The following SGCG variants were observed in gnomAD, a reference collection of about 807,000 sequenced individuals.
The protein encoded by SGCG is sarcoglycan gamma.
Under a neutral mutation model 29.3 loss-of-function variants are expected in SGCG, and 26 were observed. The ratio of observed to expected loss-of-function variants is 0.89; its 90% CI spans 0.65 to 1.23. The LOEUF is 1.23. SGCG is among the 50% of genes most tolerant of loss of function. SGCG has a pLI of 0.00. For synonymous variants in SGCG, 145 were observed against 129.7 expected (o/e 1.12, Z -0.80); for missense variants, 353 against 356.0 (o/e 0.99, Z 0.07).
At position 23,203,737 on chromosome 13, in the gene SGCG, A is replaced by G; in HGVS notation, c.43A>G (p.Ile15Val). 6.2e-7 allele frequency: 1 copy of G among 1,614,086 alleles called. No homozygotes were observed. Among genetic ancestry groups the G allele is most frequent in the Non-Finnish European group, 8.5e-7 (1 of 1,179,948 alleles). Residue 15 changes from isoleucine to valine, a missense_variant, in exon 2 of 8, where the codon ATA becomes GTA. Physicochemically the swap from Ile to Val is conservative, Grantham distance 29. Coordinates refer to ENST00000218867, the MANE Select transcript of SGCG (RefSeq NM_000231.3). ...QYTTATEGIC[I>V]ERPENQYVYK... Reference sequence around the variant, plus strand: ...CACTACAGCCACAGAAGGCATCTGCATAGAGAGGCCAGAGAATCAGTATGT... The same window carrying G: ...CACTACAGCCACAGAAGGCATCTGCGTAGAGAGGCCAGAGAATCAGTATGT...
At chr13:23,175,088 T>C in the SGCG span, among the ~76,000 whole-genome samples, 924 of 152,302 alleles carry the variant, frequency 6.1e-3, 8 homozygotes, top group African/African-American at 0.02. Context: ...AATTGCCAAG[T>C]TGACCACAGA....
intron 6 of SGCG, among the ~76,000 whole-genome samples, chr13:23,305,149 T>G (rs1416886340): frequency 6.6e-6 from 1 of 152,232 alleles, no homozygotes; most frequent in East Asian, 1.9e-4. Context: ...TTAAATTACC[T>G]TAGGGAAAAC....
chr13:23,295,191 T>G (rs1881853904), intron 5 of SGCG, among the ~76,000 whole-genome samples: 1 of 152,228 alleles, frequency 6.6e-6, no homozygotes, highest in Admixed American at 6.5e-5. Context: ...TGTAATTGCT[T>G]TGAAAAACAT....
intron 4 of SGCG, among the ~76,000 whole-genome samples, chr13:23,257,864 C>T (rs1434466756): frequency 2.0e-5 from 3 of 151,940 alleles, no homozygotes; most frequent in South Asian, 2.1e-4. Context: ...TGTAGATAAG[C>T]GGCGTTATTT....
intron 2 of SGCG, among the ~76,000 whole-genome samples, chr13:23,222,107 T>C (rs1353204345): frequency 6.6e-6 from 1 of 152,188 alleles, no homozygotes; most frequent in Non-Finnish European, 1.5e-5. Context: ...TGTTTCCCCA[T>C]GTATCAGATT....
At chr13:23,298,953 C>T (rs572900359) in intron 6 of SGCG, among the ~76,000 whole-genome samples, 40 of 152,230 alleles carry the variant, frequency 2.6e-4, no homozygotes, top group African/African-American at 9.1e-4. Flanking sequence ...CAAGGAAATG[C>T]TCGAGGAGTG....
intron 4 of SGCG, among the ~76,000 whole-genome samples, chr13:23,257,828 G>C (rs963161899): frequency 6.6e-6 from 1 of 152,020 alleles, no homozygotes; most frequent in Admixed American, 6.6e-5. Flanking sequence ...GCTTGTTTTT[G>C]TCAGGTTTGT....
chr13:23,257,485 A>C (rs536410471), intron 4 of SGCG, among the ~76,000 whole-genome samples: 5 of 151,966 alleles, frequency 3.3e-5, no homozygotes, highest in Non-Finnish European at 7.4e-5. Flanking sequence ...ATTTTCTCCC[A>C]TTCTGTAGGT....
chr13:23,197,433 T>G (rs558236981), intron 1 of SGCG, among the ~76,000 whole-genome samples: 1 of 152,324 alleles, frequency 6.6e-6, no homozygotes, highest in South Asian at 2.1e-4. Context: ...AAGTAATTTT[T>G]CAGGAGTTTT....
chr13:23,322,135 T>C (rs2137530411), intron 7 of SGCG, among the ~76,000 whole-genome samples: 1 of 152,332 alleles, frequency 6.6e-6, no homozygotes, highest in East Asian at 1.9e-4. Context: ...GCTGCAAGAA[T>C]TGTCTTGTAC....
intron 6 of SGCG, among the ~76,000 whole-genome samples, chr13:23,306,650 C>A (rs942694784): frequency 6.6e-6 from 1 of 152,290 alleles, no homozygotes; most frequent in South Asian, 2.1e-4. Context: ...TTATTTGTCA[C>A]AAGTTAATAT....
At chr13:23,232,086 T>C in intron 2 of SGCG, among the ~76,000 whole-genome samples, 1 of 148,360 alleles carries the variant, frequency 6.7e-6, no homozygotes. Context: ...ACTACTGCAC[T>C]CCAGCCTGGG....
intron 2 of SGCG, among the ~76,000 whole-genome samples, chr13:23,207,035 G>T (rs907212609): frequency 6.6e-6 from 1 of 151,790 alleles, no homozygotes. Flanking sequence ...GAAAAACAAC[G>T]CTAGAGGCGT....
chr13:23,274,990 C>T (rs1259371852), intron 4 of SGCG, among the ~76,000 whole-genome samples: 2 of 151,160 alleles, frequency 1.3e-5, no homozygotes, highest in Non-Finnish European at 2.9e-5. Context: ...TTCAGGCTAC[C>T]CTTTTATATT....
Position 23,318,444 on chromosome 13 carries a change from A to G in SGCG, c.579-2193A>G, listed in dbSNP as rs1045255988. 2.0e-5 allele frequency among the ~76,000 whole-genome samples: 3 copies of G among 150,488 alleles called. No homozygotes were observed. In the South Asian group the frequency reaches 6.2e-4, roughly 31 times the overall value. On this transcript the variant is annotated intron_variant, in intron 6 of 7. Coordinates refer to ENST00000218867, the MANE Select transcript of SGCG (RefSeq NM_000231.3). ...ATGATGGGACCTAAATATTTAATAT[A>G]GAAATATACATATTTATATATAATA... is the stretch of plus-strand genomic sequence containing the variant.
chr13:23,279,559 G>A (rs79745219), intron 5 of SGCG, 81 bp downstream of exon 5: 2 of 1,410,960 alleles, frequency 1.4e-6, no homozygotes, highest in Non-Finnish European at 2.0e-6. Flanking sequence ...ACAAGTTTAT[G>A]TGGAATCTTT....
chr13:23,210,361 T>G (rs1337081371), intron 2 of SGCG, among the ~76,000 whole-genome samples: 1 of 152,186 alleles, frequency 6.6e-6, no homozygotes, highest in Non-Finnish European at 1.5e-5. Flanking sequence ...TTTAAAAGAC[T>G]GTCTTTTTTA....
At chr13:23,257,164 G>A (rs1045583329) in intron 4 of SGCG, among the ~76,000 whole-genome samples, 1 of 152,152 alleles carries the variant, frequency 6.6e-6, no homozygotes, top group African/African-American at 2.4e-5. Context: ...TCTGTTAGCT[G>A]CAAAAATGTC....
intron 2 of SGCG, among the ~76,000 whole-genome samples, chr13:23,213,669 G>T (rs143897046): frequency 6.6e-6 from 1 of 152,330 alleles, no homozygotes; most frequent in African/African-American, 2.4e-5. Context: ...AGATTGGACA[G>T]ATTTTATTTT....
Sources: allele counts gnomAD v4.1 joint callset (sites outside exome capture counted in the v4.1 genomes callset), GRCh38; gene constraint gnomAD v4.1.1; transcripts MANE v1.5; gene names NCBI Gene and HGNC (gene_info 2026-07-23, HGNC 2026-07-21).